RBFOX1: variants seen among roughly 807,000 people sequenced by gnomAD.
RBFOX1 encodes RNA binding protein fox-1 homolog 1.
A neutral mutation model predicts 57.7 loss-of-function variants in RBFOX1; 8 were observed. The ratio of observed to expected loss-of-function variants is 0.14; its 90% CI spans 0.08 to 0.25. The LOEUF is 0.25. Ranked by LOEUF, RBFOX1 falls within the 10% of genes least tolerant of loss-of-function variation. The probability of loss-of-function intolerance (pLI) is 1.00; values close to 1 mark genes in which losing one functional copy is unlikely to be tolerated. For synonymous variants in RBFOX1, 326 were observed against 222.4 expected, an observed-to-expected ratio of 1.47 and a Z score of -4.15; for missense variants, 611 against 548.5, an observed-to-expected ratio of 1.11 and a Z score of -1.14.
intron 13 of RBFOX1, among the ~76,000 whole-genome samples, chr16:7,668,677 C>T (rs2070302146): frequency 1.3e-5 from 2 of 151,930 alleles, no homozygotes; most frequent in Non-Finnish European, 2.9e-5. Context: ...CACACACACA[C>T]ACACTTTTGT....
chr16:6,074,761 G>A (rs2095875751), intron 1 of RBFOX1, among the ~76,000 whole-genome samples: 2 of 152,162 alleles, frequency 1.3e-5, no homozygotes, highest in South Asian at 2.1e-4. Context: ...TGCAGAGGCA[G>A]CACAGAAGCT....
chr16:7,482,736 G>C (rs1169239755), intron 4 of RBFOX1, among the ~76,000 whole-genome samples: 1 of 151,682 alleles, frequency 6.6e-6, no homozygotes, highest in Non-Finnish European at 1.5e-5. Flanking sequence ...TCCTTCCTGG[G>C]CGTATTTGCT....
chr16:6,372,215 G>C (rs1242351744), intron 2 of RBFOX1, among the ~76,000 whole-genome samples: 1 of 151,822 alleles, frequency 6.6e-6, no homozygotes, highest in Non-Finnish European at 1.5e-5. Context: ...GAGGGTGGTT[G>C]GTAAGGATCT....
downstream of RBFOX1, among the ~76,000 whole-genome samples, chr16:5,602,203 T>A (rs2047388290): frequency 6.6e-6 from 1 of 152,234 alleles, no homozygotes; most frequent in Non-Finnish European, 1.5e-5. Context: ...AGGCAGCATA[T>A]GTTGGCCTGA....
At chr16:7,648,993 T>G (rs1568274734) in intron 11 of RBFOX1, among the ~76,000 whole-genome samples, 1 of 152,154 alleles carries the variant, frequency 6.6e-6, no homozygotes, top group Non-Finnish European at 1.5e-5. Flanking sequence ...TGACTAAGTT[T>G]CAGTTGTGTT....
chr16:6,167,213 C>T (rs1186427869), intron 1 of RBFOX1, among the ~76,000 whole-genome samples: 2 of 152,232 alleles, frequency 1.3e-5, no homozygotes, highest in Non-Finnish European at 2.9e-5. Flanking sequence ...GTTCAGGGCC[C>T]TTAGTCCTTG....
intron 1 of RBFOX1, among the ~76,000 whole-genome samples, chr16:5,450,780 G>A (rs754060627): frequency 6.6e-6 from 1 of 152,162 alleles, no homozygotes; most frequent in East Asian, 1.9e-4. Context: ...TTGTGACTTT[G>A]GGTAGCCTCG....
intron 4 of RBFOX1, among the ~76,000 whole-genome samples, chr16:5,877,306 A>T (rs1306363245): frequency 6.6e-6 from 1 of 152,244 alleles, no homozygotes; most frequent in African/African-American, 2.4e-5. Context: ...GACCCTGGTA[A>T]CTTAAAATGA....
chr16:5,811,067 C>A (rs1045275126), intron 3 of RBFOX1, among the ~76,000 whole-genome samples: 5 of 151,994 alleles, frequency 3.3e-5, no homozygotes, highest in African/African-American at 9.7e-5. Context: ...CTCAGACAAC[C>A]ACTGATCTGC....
intron 2 of RBFOX1, among the ~76,000 whole-genome samples, chr16:6,533,212 T>C (rs1419515246): frequency 6.6e-6 from 1 of 152,200 alleles, no homozygotes; most frequent in African/African-American, 2.4e-5. Flanking sequence ...AGATCAACTA[T>C]AGTGATACAG....
chr16:5,495,366 C>T (rs1335506020), intron 2 of RBFOX1, among the ~76,000 whole-genome samples: 1 of 152,208 alleles, frequency 6.6e-6, no homozygotes, highest in Non-Finnish European at 1.5e-5. Flanking sequence ...GTGTTGCAGA[C>T]TTTTAAACAA....
chr16:5,362,033 T>A (rs1414855851), intron 1 of RBFOX1, among the ~76,000 whole-genome samples: 2 of 152,238 alleles, frequency 1.3e-5, no homozygotes, highest in Admixed American at 6.5e-5. Context: ...CTGCATTGCA[T>A]AAGTTATGTT....
intron 4 of RBFOX1, among the ~76,000 whole-genome samples, chr16:7,294,740 C>G (rs983795442): frequency 1.3e-5 from 2 of 151,880 alleles, no homozygotes; most frequent in Non-Finnish European, 2.9e-5. Context: ...CACAAAAGTG[C>G]TTACGAGGTT....
At chr16:5,327,767 G>A (rs2064625475) in intron 1 of RBFOX1, among the ~76,000 whole-genome samples, 1 of 152,146 alleles carries the variant, frequency 6.6e-6, no homozygotes, top group Non-Finnish European at 1.5e-5. Context: ...ATTAAGCCAA[G>A]CGAAAATGAA....
At chr16:5,305,524 C>A (rs192414804) in intron 1 of RBFOX1, among the ~76,000 whole-genome samples, 20 of 152,160 alleles carry the variant, frequency 1.3e-4, no homozygotes, top group South Asian at 4.1e-4. Context: ...ATTAGAAAAA[C>A]AAAGTGGCTT....
intron 2 of RBFOX1, among the ~76,000 whole-genome samples, chr16:6,569,625 T>C (rs1176941316): frequency 6.6e-6 from 1 of 152,182 alleles, no homozygotes; most frequent in African/African-American, 2.4e-5. Context: ...GTTGCAGAAG[T>C]TTCATGGGCT....
intron 3 of RBFOX1, among the ~76,000 whole-genome samples, chr16:5,818,216 C>T (rs1216151685): frequency 6.6e-6 from 1 of 152,170 alleles, no homozygotes; most frequent in Non-Finnish European, 1.5e-5. Context: ...GTATCTGACT[C>T]AATGGTGCCT....
chr16:7,353,182 C>A lies in RBFOX1; in HGVS notation c.28-164965C>A, dbSNP rs541339787. Among the ~76,000 whole-genome samples, 125 of 152,180 alleles carry A rather than the reference C, an allele frequency of 8.2e-4. No homozygotes were observed. The South Asian group carries it at 8.9e-3, about 11-fold the overall frequency. The stretch of plus-strand genomic sequence containing the variant: ...TCAATTTTTGTAGCCTAAATTGATT[C>A]ACAAAAACCATACTTTTCGTCTCTA... On this transcript the variant is annotated intron_variant, in intron 4 of 15. Transcript: ENST00000550418.
chr16:6,081,139 T>G (rs1406383408), intron 1 of RBFOX1, among the ~76,000 whole-genome samples: 8 of 152,204 alleles, frequency 5.3e-5, no homozygotes, highest in Admixed American at 2.0e-4. Context: ...TGATTTCTCA[T>G]AGGGCGTCTT....
Sources: gnomAD v4.1 joint callset for allele counts (sites outside exome capture counted in the v4.1 genomes callset) on GRCh38, gnomAD v4.1.1 for gene constraint, MANE v1.5 for transcripts, NCBI Gene and HGNC (gene_info 2026-07-23, HGNC 2026-07-21) for gene names.